Variants in ATAD2 observed in about 807,000 individuals in gnomAD.
ATAD2 encodes the protein ATPase family AAA domain-containing protein 2.
ATAD2 carries 62 observed loss-of-function variants against 168.9 expected under a neutral mutation model. The ratio of observed to expected loss-of-function variants is 0.37; its 90% CI spans 0.30 to 0.45. The LOEUF is 0.45. Among genes scored for constraint, ATAD2 ranks in the 20% least tolerant of loss-of-function variants. ATAD2 has a pLI of 1.00. For missense variants in ATAD2, 1,419 were observed against 1,667.8 expected (o/e 0.85, Z 2.60); for synonymous variants, 613 against 571.6 (o/e 1.07, Z -1.03).
chr8:123,388,692 T>G (rs1299517062), intron 1 of ATAD2, among the ~76,000 whole-genome samples: 1 of 151,790 alleles, frequency 6.6e-6, no homozygotes, highest in East Asian at 2.0e-4. Flanking sequence ...CCAATTTTTA[T>G]TTTTTATTTT....
intron 2 of ATAD2, among the ~76,000 whole-genome samples, chr8:123,373,614 C>T (rs1357283123): frequency 6.6e-6 from 1 of 151,676 alleles, no homozygotes. Flanking sequence ...GGGTGAAACC[C>T]CGTCTCTACT....
chr8:123,369,917 C>G lies in ATAD2; in HGVS notation c.835G>C (p.Asp279His). ...TCTCCATCTTCTTCATCTTCATCAT[C>G]TTCATCATCATCATCATCATCATCA... Reference protein sequence around the residue: ...DDDDDDDDDEDDEDEEDGEEE... With the variant: ...DDDDDDDDDEHDEDEEDGEEE... The change falls in exon 7 of 28, where the codon GAT (aspartate) becomes CAT (histidine). Residue 279 changes from aspartate to histidine, a missense_variant. Around this residue, in one of 5 missense-constraint regions of ATAD2, gnomAD observed 419 missense variants for 423.5 expected, o/e 0.99. Transcript: ENST00000287394. 6.3e-7 allele frequency: 1 copy of G among 1,582,064 alleles called. No homozygotes were observed. The highest frequency in any genetic ancestry group is 1.1e-5 in the South Asian group (1 of 90,520).
At chr8:123,373,027 G>A (rs559100250) in intron 2 of ATAD2, among the ~76,000 whole-genome samples, 1 of 151,932 alleles carries the variant, frequency 6.6e-6, no homozygotes, top group East Asian at 1.9e-4. Context: ...CGAATAGTTG[G>A]GACTATAGGC....
At chr8:123,407,362 C>A (rs973484394) in intron 1 of ATAD2, among the ~76,000 whole-genome samples, 1 of 152,120 alleles carries the variant, frequency 6.6e-6, no homozygotes, top group Non-Finnish European at 1.5e-5. Context: ...CTCTTGGTGA[C>A]CAGTTCTATC....
chr8:123,332,267 T>G (rs1827796126), intron 24 of ATAD2, among the ~76,000 whole-genome samples: 3 of 152,206 alleles, frequency 2.0e-5, no homozygotes. Context: ...TGGACCTGTG[T>G]ACCTCAAACT....
At chr8:123,330,598 G>A (rs747760930) in intron 24 of ATAD2, among the ~76,000 whole-genome samples, 1 of 152,022 alleles carries the variant, frequency 6.6e-6, no homozygotes, top group African/African-American at 2.4e-5. Flanking sequence ...ACATGACCTC[G>A]TGATCCGCCC....
intron 19 of ATAD2, among the ~76,000 whole-genome samples, chr8:123,340,078 T>C (rs192502766): frequency 1.3e-5 from 2 of 152,100 alleles, no homozygotes; most frequent in African/African-American, 4.8e-5. Context: ...TTTGTAGAGA[T>C]AGGGTCTCCT....
At chr8:123,331,139 C>A (rs1351114181) in intron 24 of ATAD2, among the ~76,000 whole-genome samples, 1 of 152,038 alleles carries the variant, frequency 6.6e-6, no homozygotes, top group African/African-American at 2.4e-5. Context: ...CGGGGTTTCA[C>A]CATGTTGGCC....
chr8:123,390,565 CTG>C (rs1411047624), intron 1 of ATAD2, among the ~76,000 whole-genome samples: 5 of 152,186 alleles, frequency 3.3e-5, no homozygotes, highest in African/African-American at 1.2e-4. Flanking sequence ...TGTTTCTGTA[CTG>C]TGTTATGCTT....
intron 27 of ATAD2, among the ~76,000 whole-genome samples, chr8:123,322,628 G>A (rs890179413): frequency 1.3e-5 from 2 of 152,068 alleles, no homozygotes; most frequent in African/African-American, 2.4e-5. Context: ...AGTTGAGATC[G>A]CACCACTGCA....
chr8:123,325,029 G>A (rs1827570414), intron 26 of ATAD2, among the ~76,000 whole-genome samples: 1 of 151,102 alleles, frequency 6.6e-6, no homozygotes, highest in Admixed American at 6.6e-5. Flanking sequence ...GGGCAACACA[G>A]TGAGACTTTG....
chr8:123,327,853 G>A (rs75703234), intron 25 of ATAD2, among the ~76,000 whole-genome samples: 4,271 of 152,224 alleles, frequency 0.028, 178 homozygotes, highest in African/African-American at 0.097. Context: ...ACTTTAGTTT[G>A]TTACATTTAA....
upstream of ATAD2, chr8:123,396,491 G>T: frequency 1.1e-6 from 1 of 904,394 alleles, no homozygotes; most frequent in Non-Finnish European, 1.6e-6. Context: ...CGCGCGCCCA[G>T]AATCCCTCCG....
chr8:123,385,611 T>C (rs1331126334), intron 1 of ATAD2, among the ~76,000 whole-genome samples: 1 of 152,094 alleles, frequency 6.6e-6, no homozygotes, highest in East Asian at 1.9e-4. Context: ...ATTTCTTGGA[T>C]GACACCAAAA....
chr8:123,328,946 C>T (rs545726458), intron 24 of ATAD2, among the ~76,000 whole-genome samples: 39 of 151,998 alleles, frequency 2.6e-4, no homozygotes, highest in African/African-American at 8.7e-4. Flanking sequence ...GGACTACAGG[C>T]ACCCGCCACC....
Position 123,359,256 on chromosome 8 carries a change from T to C in ATAD2, c.1347A>G (p.Pro449=), listed in dbSNP as rs772231600. ...KEMVVFPLLY[P]EVFEKFKIQP... is the part of the protein sequence containing the mutation. Reference sequence around the variant, plus strand: ...GAATTTTAAATTTTTCAAAGACTTCTGGATAAAGTAATGGAAACACCACCA... The same window carrying C: ...GAATTTTAAATTTTTCAAAGACTTCCGGATAAAGTAATGGAAACACCACCA... Residue 449 remains proline, a synonymous_variant, in exon 11 of 28, where the codon CCA becomes CCG. Transcript: ENST00000287394. The C allele has an allele frequency of 6.2e-7, 1 of 1,607,308 alleles. No individual in the cohort carries two copies.
chr8:123,391,436 T>C (rs902924417), intron 1 of ATAD2, among the ~76,000 whole-genome samples: 4 of 131,068 alleles, frequency 3.1e-5, no homozygotes, highest in African/African-American at 1.3e-4. Context: ...AAAAGTAACT[T>C]CAGAACTTGA....
At chr8:123,394,203 C>A (rs972103726) in intron 1 of ATAD2, among the ~76,000 whole-genome samples, 1 of 152,128 alleles carries the variant, frequency 6.6e-6, no homozygotes, top group Non-Finnish European at 1.5e-5. Context: ...AATCTCCTTA[C>A]ATACATGATC....
chr8:123,396,460 T>C (rs1812838606), upstream of ATAD2: 4 of 1,281,356 alleles, frequency 3.1e-6, no homozygotes, highest in African/African-American at 1.6e-5. Flanking sequence ...CGCCACAAGC[T>C]CCGCGCCAGC....
Sources: allele counts gnomAD v4.1 joint callset (sites outside exome capture counted in the v4.1 genomes callset), GRCh38; gene constraint gnomAD v4.1.1; regional missense constraint gnomAD v4.1.1; transcripts MANE v1.5; gene names NCBI Gene and HGNC (gene_info 2026-07-23, HGNC 2026-07-21).